Variants in FRMD4B observed in about 807,000 individuals in gnomAD.
The protein encoded by FRMD4B is FERM domain-containing protein 4B.
Under a neutral mutation model 141.5 loss-of-function variants are expected in FRMD4B, and 74 were observed. That is an observed-to-expected ratio of 0.52 (90% confidence interval 0.43 to 0.63). The LOEUF is 0.63. FRMD4B is among the 30% of genes least tolerant of loss of function. The pLI, the probability that FRMD4B is intolerant of heterozygous loss-of-function variation, is 0.00. For missense variants in FRMD4B, 1,366 were observed against 1,253.4 expected, an observed-to-expected ratio of 1.09 and a Z score of -1.36; for synonymous variants, 506 against 467.9, an observed-to-expected ratio of 1.08 and a Z score of -1.05.
At chr3:69,289,569 G>A (rs1559781893) in intron 4 of FRMD4B, among the ~76,000 whole-genome samples, 1 of 152,194 alleles carries the variant, frequency 6.6e-6, no homozygotes. Flanking sequence ...GCCGAGGCGG[G>A]CAGATCACTT....
chr3:69,446,068 C>T (rs1362665220), intron 1 of FRMD4B, among the ~76,000 whole-genome samples: 2 of 152,152 alleles, frequency 1.3e-5, no homozygotes, highest in African/African-American at 2.4e-5. Flanking sequence ...GACTTTGTCA[C>T]CCAGGCTGGA....
intron 1 of FRMD4B, chr3:69,536,207 T>C (rs1701082653): frequency 3.4e-6 from 2 of 591,080 alleles, no homozygotes; most frequent in Non-Finnish European, 6.3e-6. Flanking sequence ...AGGAGGATCC[T>C]CCTTGGCCTC....
At chr3:69,465,564 C>G (rs1476295804) in intron 1 of FRMD4B, among the ~76,000 whole-genome samples, 3 of 151,826 alleles carry the variant, frequency 2.0e-5, no homozygotes, top group African/African-American at 7.3e-5. Context: ...CGACAGGCCC[C>G]GGTGTGTGAC....
chr3:69,365,196 C>G (rs1703602616), intron 1 of FRMD4B, among the ~76,000 whole-genome samples: 1 of 152,176 alleles, frequency 6.6e-6, no homozygotes, highest in South Asian at 2.1e-4. Context: ...GACAAATATT[C>G]TCTAGGAGAC....
chr3:69,196,199 C>T (rs921731807), intron 14 of FRMD4B, 56 bp downstream of exon 14: 26 of 1,434,718 alleles, frequency 1.8e-5, no homozygotes, highest in Non-Finnish European at 2.3e-5. Flanking sequence ...GGTTTATGAC[C>T]GAAAAAACAA....
chr3:69,400,675 C>A lies in FRMD4B; in HGVS notation c.-1+31959G>T, dbSNP rs1379184266. Among the ~76,000 whole-genome samples, 7 of 152,142 alleles carry A rather than the reference C, an allele frequency of 4.6e-5. No individual in the cohort carries two copies. In the East Asian group the frequency reaches 1.3e-3, roughly 29 times the overall value. ...TGGTGGGCAAGGTCTCTGGATGTGA[C>A]CTACCTTACTCTTAATGACTTACCT... On this transcript the variant is annotated intron_variant, in intron 2 of 5. Transcript: ENST00000459638.
In FRMD4B at chr3:69,500,697, C is replaced by G. The variant is rs533262615; in HGVS notation, c.-129+41509G>C. On this transcript the variant is annotated intron_variant, in intron 1 of 5. Transcript: ENST00000459638. ...AACCACAGAGAAGGCCCCCCCACCC[C>G]CCAAGCCAGGGCTGGAGTCACACAG... Among the ~76,000 whole-genome samples the G allele has an allele frequency of 2.6e-5, 4 of 152,008 alleles. No individual in the cohort carries two copies. In the South Asian group the frequency reaches 6.3e-4, roughly 24 times the overall value.
intron 7 of FRMD4B, among the ~76,000 whole-genome samples, chr3:69,242,596 C>T (rs1196621326): frequency 2.2e-5 from 3 of 133,876 alleles, no homozygotes; most frequent in Non-Finnish European, 4.6e-5. Flanking sequence ...CATTCTGACC[C>T]AGCACTGAAT....
upstream of FRMD4B, among the ~76,000 whole-genome samples, chr3:69,389,617 A>G (rs1030086894): frequency 6.6e-6 from 1 of 152,106 alleles, no homozygotes; most frequent in African/African-American, 2.4e-5. Context: ...TTTTTTTCTT[A>G]TCCAAATGGC....
At chr3:69,347,984 G>A (rs950814493) in intron 1 of FRMD4B, among the ~76,000 whole-genome samples, 2 of 152,148 alleles carry the variant, frequency 1.3e-5, no homozygotes, top group African/African-American at 4.8e-5. Context: ...ACTAAGATCA[G>A]AGCAGAACTG....
chr3:69,228,638 C>T (rs1407024448), intron 7 of FRMD4B: 2 of 364,660 alleles, frequency 5.5e-6, no homozygotes, highest in Non-Finnish European at 1.1e-5. Context: ...AGTTGGAGAC[C>T]GACCTGGGCA....
At chr3:69,349,615 C>T (rs542131973) in intron 1 of FRMD4B, among the ~76,000 whole-genome samples, 3 of 151,976 alleles carry the variant, frequency 2.0e-5, no homozygotes, top group African/African-American at 7.2e-5. Context: ...GGTACTGGTA[C>T]CAAAACAGAG....
rs115120508 is a variant in FRMD4B at position 69,446,294 on chromosome 3, G to T, written c.-128-13533C>A. 3.4e-3 allele frequency among the ~76,000 whole-genome samples: 524 copies of T among 151,894 alleles called. 4 individuals are homozygous for T. The highest frequency in any genetic ancestry group is 0.012 in the African/African-American group (491 of 41,414). ...GCCCACTTTAGCCTCATAAAGTGCT[G>T]GGTTTGCAGGCGTGAGCCACCGTGA... On this transcript the variant is annotated intron_variant, in intron 1 of 5. Transcript: ENST00000459638.
intron 2 of FRMD4B, among the ~76,000 whole-genome samples, chr3:69,418,378 C>T (rs1704907951): frequency 6.6e-6 from 1 of 152,146 alleles, no homozygotes; most frequent in African/African-American, 2.4e-5. Flanking sequence ...CCTCCACACC[C>T]TGTGTAATCC....
chr3:69,535,152 C>T (rs1431417867), intron 1 of FRMD4B, among the ~76,000 whole-genome samples: 1 of 152,224 alleles, frequency 6.6e-6, no homozygotes, highest in Non-Finnish European at 1.5e-5. Context: ...TTGGTCAAAG[C>T]ACACATTTAG....
intron 9 of FRMD4B, among the ~76,000 whole-genome samples, chr3:69,220,582 T>C (rs1446184777): frequency 6.6e-6 from 1 of 152,190 alleles, no homozygotes; most frequent in African/African-American, 2.4e-5. Flanking sequence ...CTAGGCACAG[T>C]GGCCCATGTC....
chr3:69,288,076 C>T (rs552539578), intron 4 of FRMD4B, among the ~76,000 whole-genome samples: 2 of 152,306 alleles, frequency 1.3e-5, no homozygotes, highest in East Asian at 1.9e-4. Flanking sequence ...AAGAGAAACC[C>T]CAAATGGTAT....
chr3:69,219,336 AC>A (rs2093171662), intron 9 of FRMD4B, among the ~76,000 whole-genome samples: 1 of 150,164 alleles, frequency 6.7e-6, no homozygotes, highest in African/African-American at 2.4e-5. Context: ...ACGCAAGTAG[AC>A]TTTTTAATGA....
intron 1 of FRMD4B, among the ~76,000 whole-genome samples, chr3:69,450,942 C>T (rs913713178): frequency 2.0e-5 from 3 of 152,240 alleles, no homozygotes; most frequent in Non-Finnish European, 2.9e-5. Context: ...AAGAGCCACA[C>T]ACTGGGGCTC....
Sources: allele counts gnomAD v4.1 joint callset (sites outside exome capture counted in the v4.1 genomes callset), GRCh38; gene constraint gnomAD v4.1.1; transcripts MANE v1.5; gene names NCBI Gene and HGNC (gene_info 2026-07-23, HGNC 2026-07-21).